The following USP4 variants were observed in gnomAD, a reference collection of about 807,000 sequenced individuals.
USP4 encodes ubiquitin specific peptidase 4.
In USP4, 72 loss-of-function variants were observed where a neutral mutation model predicts 118.2. The observed-to-expected ratio is 0.61, with a 90% CI of 0.50 to 0.74. USP4 has a LOEUF of 0.74. Ranked by LOEUF, USP4 falls within the 30% of genes least tolerant of loss-of-function variation. USP4 has a pLI of 0.00. For synonymous variants in USP4, 415 were observed against 440.4 expected (o/e 0.94, Z 0.72); for missense variants, 1,037 against 1,185.7 (o/e 0.87, Z 1.84).
intron 13 of USP4, among the ~76,000 whole-genome samples, chr3:49,296,145 C>A (rs1355344794): frequency 6.6e-6 from 1 of 150,830 alleles, no homozygotes; most frequent in African/African-American, 2.4e-5. Flanking sequence ...CCCTAACTAA[C>A]ACAGTGAAAC....
Position 49,323,263 on chromosome 3 carries a change from G to T in USP4, c.695+1439C>A, listed in dbSNP as rs78527220. On this transcript the variant is annotated intron_variant, in intron 6 of 21. Transcript: ENST00000265560. ...ATTACAGGCATGAGCCACTGCTCCT[G>T]GCCTTTTTAAAAAAAAAAAAAAAAA... Among the ~76,000 whole-genome samples the T allele has an allele frequency of 5.5e-4, 76 of 139,374 alleles. No individual in the cohort carries two copies. In the East Asian group the frequency reaches 0.015, roughly 28 times the overall value. 91.4% of individuals were successfully genotyped at this position (139,374 alleles called of 152,430 possible). A position where few individuals can be genotyped will look rare whatever the true frequency, so the allele number is the denominator to read the frequency against.
chr3:49,303,548 A>G (rs2047281908), intron 9 of USP4, among the ~76,000 whole-genome samples: 1 of 151,914 alleles, frequency 6.6e-6, no homozygotes, highest in African/African-American at 2.4e-5. Context: ...AATTACAATT[A>G]AAAACCATTA....
chr3:49,306,133 T>C (rs2047313313), intron 8 of USP4, among the ~76,000 whole-genome samples: 1 of 151,760 alleles, frequency 6.6e-6, no homozygotes, highest in Admixed American at 6.6e-5. Flanking sequence ...TAAGACTTTG[T>C]CTCTGAAAAA....
At position 49,300,464 on chromosome 3, in the gene USP4, C is replaced by A; in HGVS notation, c.1512+3G>T. 6.2e-7 allele frequency: 1 copy of A among 1,613,856 alleles called. No homozygotes were observed. The highest frequency in any genetic ancestry group is 1.1e-5 in the South Asian group (1 of 91,060). ...GGTGCCATAAGGGTGTGGATTCTGT[C>A]ACCTGAGTAGGTCTGCAGTGAGGGT... On this transcript the variant is annotated splice_donor_region_variant and intron_variant, in intron 11 of 21. Transcript: ENST00000265560.
intron 9 of USP4, among the ~76,000 whole-genome samples, chr3:49,304,184 G>C (rs1446590281): frequency 6.6e-6 from 1 of 152,170 alleles, no homozygotes; most frequent in Non-Finnish European, 1.5e-5. Context: ...TGAGATTTTA[G>C]TTTTCTCACT....
intron 10 of USP4, 52 bp downstream of exon 10, chr3:49,302,332 T>A (rs1575608043): frequency 6.3e-7 from 1 of 1,594,258 alleles, no homozygotes; most frequent in East Asian, 2.2e-5. Flanking sequence ...GCACTCTCAA[T>A]AGGAGGCAGC....
chr3:49,323,674 G>C (rs957164227), intron 6 of USP4, among the ~76,000 whole-genome samples: 1 of 152,106 alleles, frequency 6.6e-6, no homozygotes, highest in East Asian at 1.9e-4. Flanking sequence ...TAGTTTTCAT[G>C]GTTCTCAAAT....
chr3:49,328,058 A>G (rs1041259415), intron 2 of USP4, among the ~76,000 whole-genome samples: 1 of 152,084 alleles, frequency 6.6e-6, no homozygotes, highest in African/African-American at 2.4e-5. Flanking sequence ...GGGAGAGAAG[A>G]GGATAAAAAA....
chr3:49,335,753 A>G (rs1375673457), intron 1 of USP4, among the ~76,000 whole-genome samples, 157 bp from the exon 2 acceptor site: 2 of 152,236 alleles, frequency 1.3e-5, no homozygotes, highest in African/African-American at 2.4e-5. Flanking sequence ...CAGGCCCCAC[A>G]TGGCACAGAG....
At chr3:49,303,900 A>C (rs1189445125) in intron 9 of USP4, among the ~76,000 whole-genome samples, 1 of 151,926 alleles carries the variant, frequency 6.6e-6, no homozygotes, top group African/African-American at 2.4e-5. Context: ...TTACAGGCAT[A>C]TGCCACCACG....
chr3:49,291,270 C>G (rs1431892832), intron 15 of USP4, among the ~76,000 whole-genome samples: 1 of 147,480 alleles, frequency 6.8e-6, no homozygotes, highest in African/African-American at 2.5e-5. Context: ...AGCCTCAAGA[C>G]CCTACTCTTA....
chr3:49,302,458 AT>A lies in USP4; in HGVS notation c.1212del (p.Leu405CysfsTer5), dbSNP rs1382238286. On this transcript the variant is annotated frameshift_variant, in exon 10 of 22. Transcript: ENST00000265560. LOFTEE classifies it high-confidence loss of function. The stretch of plus-strand genomic sequence containing the variant: ...TTTACCCGGTTCAGATCTTCATGCA[AT>A]CCATCTAGAAGAAAGGCCAGCAGCT... ...SQELLAFLLD[G>X]LHEDLNRVKK... The A allele has an allele frequency of 1.9e-6, 3 of 1,614,194 alleles. No homozygotes were observed. The Middle Eastern group carries it at 4.9e-4, about 266-fold the overall frequency.
intron 6 of USP4, among the ~76,000 whole-genome samples, chr3:49,315,309 T>C (rs1386757924): frequency 6.6e-6 from 1 of 152,150 alleles, no homozygotes; most frequent in Non-Finnish European, 1.5e-5. Context: ...GATCATGCCA[T>C]TGCATTCCAG....
At position 49,286,476 on chromosome 3, in the gene USP4, C is replaced by T. The variant is rs547664784; in HGVS notation, c.1973-151G>A. 6.4e-5 allele frequency: 50 copies of T among 783,306 alleles called. 1 individual carries two copies. The African/African-American group carries it at 7.0e-4, about 11-fold the overall frequency. 48.5% of individuals were successfully genotyped at this position (783,306 alleles called of 1,614,324 possible). ...TTCCTTTGCATTTAACTTGAATTCA[C>T]ATGTGACTCTCACCACACCCTTGCA... On this transcript the variant is annotated intron_variant, in intron 15 of 21. Transcript: ENST00000265560.
intron 2 of USP4, among the ~76,000 whole-genome samples, chr3:49,330,358 C>T (rs2047603128): frequency 6.6e-6 from 1 of 151,322 alleles, no homozygotes; most frequent in East Asian, 2.0e-4. Flanking sequence ...GAGACAGTCT[C>T]GCTGTGTCCC....
At chr3:49,311,815 A>T in intron 6 of USP4, 161 bp from the exon 7 acceptor site, 1 of 1,340,996 alleles carries the variant, frequency 7.5e-7, no homozygotes, top group South Asian at 1.6e-5. Flanking sequence ...ACTTTATTTA[A>T]GTGAGAGTCC....
At chr3:49,314,345 CT>C (rs1275536724) in intron 6 of USP4, among the ~76,000 whole-genome samples, 1 of 152,174 alleles carries the variant, frequency 6.6e-6, no homozygotes, top group Admixed American at 6.5e-5. Context: ...GAAATGTACC[CT>C]TCTCTAATCC....
intron 6 of USP4, 157 bp from the exon 7 acceptor site, chr3:49,311,811 T>A: frequency 1.5e-6 from 2 of 1,347,730 alleles, no homozygotes; most frequent in Non-Finnish European, 1.9e-6. Context: ...GTAAACTTTA[T>A]TTAAGTGAGA....
intron 10 of USP4, 132 bp downstream of exon 10, chr3:49,302,252 C>G: frequency 1.0e-6 from 1 of 968,914 alleles, no homozygotes. Flanking sequence ...GACCATATCC[C>G]TATAACTAGC....
Sources: allele counts gnomAD v4.1 joint callset (sites outside exome capture counted in the v4.1 genomes callset), GRCh38; gene constraint gnomAD v4.1.1; transcripts MANE v1.5; gene names NCBI Gene and HGNC (gene_info 2026-07-23, HGNC 2026-07-21).